Variants in RXRG observed in about 807,000 individuals in gnomAD.
RXRG encodes the protein retinoid X receptor gamma.
A neutral mutation model predicts 49.2 loss-of-function variants in RXRG; 19 were observed. That is an observed-to-expected ratio of 0.39 (90% confidence interval 0.27 to 0.57). The LOEUF (loss-of-function observed/expected upper bound fraction) is 0.57. Ranked by LOEUF, RXRG falls within the 20% of genes least tolerant of loss-of-function variation. The probability of loss-of-function intolerance (pLI) is 0.64; values close to 1 mark genes in which losing one functional copy is unlikely to be tolerated. For missense variants in RXRG, 452 were observed against 592.5 expected, an observed-to-expected ratio of 0.76 and a Z score of 2.46; for synonymous variants, 224 against 216.6, an observed-to-expected ratio of 1.03 and a Z score of -0.30.
At chr1:165,410,335 C>G (rs746332) in intron 6 of RXRG, among the ~76,000 whole-genome samples, 1 of 152,016 alleles carries the variant, frequency 6.6e-6, no homozygotes, top group East Asian at 1.9e-4. Flanking sequence ...CAGTGGAACC[C>G]GTCTAGTACA....
Position 165,445,077 on chromosome 1 carries a change from C to G in RXRG, c.-184G>C. 2 of 617,164 alleles carry G rather than the reference C, an allele frequency of 3.2e-6. No homozygotes were observed. The highest frequency in any genetic ancestry group is 5.8e-6 in the Non-Finnish European group (2 of 341,996). 38.2% of individuals were successfully genotyped at this position (617,164 alleles called of 1,614,324 possible). A position where few individuals can be genotyped will look rare whatever the true frequency, so the allele number is the denominator to read the frequency against. ...ATTAGTCAGGAATCTGCCTCTAGATCGGAGAGTCCACATAGTGCGTTTGAG... is the reference window on the plus strand; with the variant it reads ...ATTAGTCAGGAATCTGCCTCTAGATGGGAGAGTCCACATAGTGCGTTTGAG... On this transcript the variant is annotated 5_prime_UTR_variant, in exon 1 of 10. Coordinates refer to ENST00000359842, the MANE Select transcript of RXRG (RefSeq NM_006917.5).
chr1:165,416,094 T>C (rs1571272594), intron 4 of RXRG, among the ~76,000 whole-genome samples: 2 of 152,196 alleles, frequency 1.3e-5, no homozygotes, highest in African/African-American at 4.8e-5. Context: ...CCCCTCTTCA[T>C]TGACCCTTTC....
intron 4 of RXRG, among the ~76,000 whole-genome samples, chr1:165,412,745 C>T (rs1415927546): frequency 1.3e-5 from 2 of 152,190 alleles, no homozygotes; most frequent in African/African-American, 4.8e-5. Flanking sequence ...CCTTTTTGGC[C>T]TCTTCCTCTC....
chr1:165,437,470 A>G (rs1658850738), intron 1 of RXRG, among the ~76,000 whole-genome samples: 1 of 152,220 alleles, frequency 6.6e-6, no homozygotes, highest in South Asian at 2.1e-4. Context: ...ATATTACCCA[A>G]TGGTAACATG....
At chr1:165,411,499 C>A (rs1479672655) in intron 4 of RXRG, among the ~76,000 whole-genome samples, 1 of 152,176 alleles carries the variant, frequency 6.6e-6, no homozygotes, top group Non-Finnish European at 1.5e-5. Context: ...AAGTAACAAG[C>A]ACATTACTTT....
intron 1 of RXRG, among the ~76,000 whole-genome samples, chr1:165,432,172 T>A (rs1658692119): frequency 6.6e-6 from 1 of 152,182 alleles, no homozygotes; most frequent in Non-Finnish European, 1.5e-5. Context: ...TTGTTATCAT[T>A]ATTAATAAGA....
intron 1 of RXRG, chr1:165,437,344 T>C (rs1658847383): frequency 1.6e-6 from 1 of 635,614 alleles, no homozygotes; most frequent in Non-Finnish European, 2.4e-6. Context: ...CAAGCTCTGA[T>C]GTCTTCAAAA....
At chr1:165,402,567 A>G (rs779821606) in intron 9 of RXRG, among the ~76,000 whole-genome samples, 2 of 151,894 alleles carry the variant, frequency 1.3e-5, no homozygotes, top group Non-Finnish European at 2.9e-5. Flanking sequence ...CTTCACACCC[A>G]TGTGCCCGCA....
At chr1:165,431,716 A>G (rs1357822475) in intron 1 of RXRG, among the ~76,000 whole-genome samples, 3 of 152,142 alleles carry the variant, frequency 2.0e-5, no homozygotes, top group Non-Finnish European at 2.9e-5. Flanking sequence ...TCAGGCCTAG[A>G]CTGAGGGCAC....
chr1:165,405,531 C>T (rs1448326438), intron 9 of RXRG, among the ~76,000 whole-genome samples: 6 of 152,372 alleles, frequency 3.9e-5, no homozygotes, highest in African/African-American at 1.2e-4. Flanking sequence ...CCTCTAAGAC[C>T]GAGGTCTGGC....
chr1:165,403,498 C>T (rs380518), intron 9 of RXRG, among the ~76,000 whole-genome samples: 133,430 of 152,294 alleles, frequency 0.88, 58,637 homozygotes, highest in African/African-American at 0.94. Flanking sequence ...GAAAATAAAG[C>T]GGCACCATCT....
chr1:165,435,472 G>A (rs1351731229), intron 1 of RXRG, among the ~76,000 whole-genome samples: 1 of 152,216 alleles, frequency 6.6e-6, no homozygotes, highest in Non-Finnish European at 1.5e-5. Context: ...AATCCAAGCA[G>A]TCTTGTGCCG....
chr1:165,403,309 A>C (rs1657644612), intron 9 of RXRG, among the ~76,000 whole-genome samples: 2 of 152,236 alleles, frequency 1.3e-5, no homozygotes, highest in African/African-American at 2.4e-5. Context: ...TCAAGGACCA[A>C]AATCACTTTA....
intron 4 of RXRG, 126 bp from the exon 5 acceptor site, chr1:165,411,235 G>T (rs1217935847): frequency 1.0e-6 from 1 of 992,124 alleles, no homozygotes; most frequent in Non-Finnish European, 1.5e-6. Flanking sequence ...CTGAATTGGG[G>T]ATGTTGGAAT....
intron 1 of RXRG, among the ~76,000 whole-genome samples, chr1:165,432,745 C>G (rs774308763): frequency 2.6e-5 from 4 of 152,204 alleles, no homozygotes; most frequent in Non-Finnish European, 5.9e-5. Context: ...CCCTTCAGCA[C>G]CAGCTGAAAG....
intron 2 of RXRG, among the ~76,000 whole-genome samples, chr1:165,426,772 AGC>A (rs1658499230): frequency 6.6e-6 from 1 of 152,172 alleles, no homozygotes; most frequent in Non-Finnish European, 1.5e-5. Context: ...TTTTATTATA[AGC>A]AATTGTCTCA....
At chr1:165,420,509 C>T (rs768544423) in intron 2 of RXRG, among the ~76,000 whole-genome samples, 13 of 152,104 alleles carry the variant, frequency 8.5e-5, no homozygotes, top group Non-Finnish European at 1.6e-4. Context: ...ACTCAGAATG[C>T]CAGACACTGT....
chr1:165,401,620 T>C (rs1179523712), intron 9 of RXRG, among the ~76,000 whole-genome samples: 2 of 152,202 alleles, frequency 1.3e-5, no homozygotes, highest in Non-Finnish European at 2.9e-5. Context: ...CTGGAGCGCA[T>C]GACCCTTCAA....
chr1:165,438,192 G>A (rs1437444874), intron 1 of RXRG, among the ~76,000 whole-genome samples: 8 of 152,294 alleles, frequency 5.3e-5, no homozygotes. Flanking sequence ...AATACAGGTT[G>A]AGTATCCCTA....
Sources: gnomAD v4.1 joint callset for allele counts (sites outside exome capture counted in the v4.1 genomes callset) on GRCh38, gnomAD v4.1.1 for gene constraint, MANE v1.5 for transcripts, NCBI Gene and HGNC (gene_info 2026-07-23, HGNC 2026-07-21) for gene names.